Variants in CPAP observed in about 807,000 individuals in gnomAD.
CPAP encodes the protein centrosomal P4.1-associated protein.
the CPAP span, among the ~76,000 whole-genome samples, chr13:24,926,610 A>C: frequency 1.3e-5 from 2 of 152,096 alleles, no homozygotes; most frequent in African/African-American, 4.8e-5. Context: ...CCTCAGCCCC[A>C]CTGTTACTAG....
chr13:24,908,201 T>C, the CPAP span: 1 of 1,027,102 alleles, frequency 9.7e-7, no homozygotes, highest in East Asian at 2.4e-5. Flanking sequence ...TTCTACAAGT[T>C]ACTATGCTAA....
chr13:24,890,260 G>A, the CPAP span, among the ~76,000 whole-genome samples: 1 of 152,310 alleles, frequency 6.6e-6, no homozygotes, highest in East Asian at 1.9e-4. Flanking sequence ...GGATATCCAG[G>A]TGTTAATTGT....
At chr13:24,899,802 C>T in the CPAP span, among the ~76,000 whole-genome samples, 1 of 152,070 alleles carries the variant, frequency 6.6e-6, no homozygotes, top group Admixed American at 6.5e-5. Context: ...GGGGAAACCA[C>T]AGTGAAAAAA....
chr13:24,885,974 A>C, the CPAP span: 1 of 424,654 alleles, frequency 2.4e-6, no homozygotes, highest in Non-Finnish European at 4.4e-6. Flanking sequence ...GTGCAGATAA[A>C]AGAGGCATCT....
the CPAP span, chr13:24,906,492 C>T: frequency 6.2e-7 from 1 of 1,614,226 alleles, no homozygotes. Context: ...TTATTCCACC[C>T]TGTGCAGCCA....
At chr13:24,907,839 A>C in the CPAP span, among the ~76,000 whole-genome samples, 1 of 152,242 alleles carries the variant, frequency 6.6e-6, no homozygotes, top group African/African-American at 2.4e-5. Flanking sequence ...GCAGCTTGAC[A>C]TATCTCCTCA....
At chr13:24,882,591 C>CAA in the CPAP span, 6 of 153,636 alleles carry the variant, frequency 3.9e-5, no homozygotes, top group South Asian at 2.0e-4. Flanking sequence ...CATTACATTA[C>CAA]AAAGTCAGCC....
At chr13:24,887,565 A>G in the CPAP span, among the ~76,000 whole-genome samples, 3 of 152,262 alleles carry the variant, frequency 2.0e-5, no homozygotes, top group Admixed American at 1.3e-4. Flanking sequence ...ACTGTCTCCC[A>G]TCACCCCCAG....
chr13:24,911,567 C>T, the CPAP span, among the ~76,000 whole-genome samples: 2 of 152,096 alleles, frequency 1.3e-5, no homozygotes, highest in African/African-American at 2.4e-5. Flanking sequence ...CAGGGTCTCA[C>T]TCTGTTGCCC....
the CPAP span, chr13:24,885,749 T>C: frequency 8.9e-6 from 9 of 1,005,868 alleles, no homozygotes; most frequent in Non-Finnish European, 1.3e-5. Flanking sequence ...ATTTCCTTAG[T>C]TCATATCCTG....
the CPAP span, chr13:24,905,440 C>G: frequency 6.2e-7 from 1 of 1,614,190 alleles, no homozygotes; most frequent in Admixed American, 1.7e-5. Flanking sequence ...AGAATTTCAT[C>G]ATCAGCTCCG....
chr13:24,905,784 T>C, the CPAP span: 1 of 1,614,146 alleles, frequency 6.2e-7, no homozygotes, highest in South Asian at 1.1e-5. Flanking sequence ...TCAACATCTC[T>C]CCTTTTATCT....
At chr13:24,908,069 T>C in the CPAP span, 2 of 1,613,222 alleles carry the variant, frequency 1.2e-6, no homozygotes, top group Non-Finnish European at 8.5e-7. Flanking sequence ...TTGTAAGTTC[T>C]TATCATTTGC....
chr13:24,911,108 A>C, the CPAP span, among the ~76,000 whole-genome samples: 1 of 152,212 alleles, frequency 6.6e-6, no homozygotes, highest in African/African-American at 2.4e-5. Flanking sequence ...ACAATCTATA[A>C]TAATTTTATT....
the CPAP span, among the ~76,000 whole-genome samples, chr13:24,885,049 T>G: frequency 1.3e-5 from 2 of 152,176 alleles, no homozygotes; most frequent in African/African-American, 4.8e-5. Context: ...AAGGAAGACC[T>G]AGAATGAACA....
the CPAP span, chr13:24,884,512 G>A: frequency 0.82 from 1,307,932 of 1,600,280 alleles, 536,937 homozygotes; most frequent in East Asian, 0.86. Flanking sequence ...CCTGACGAAA[G>A]TATGGCTAAT....
the CPAP span, chr13:24,884,281 G>C: frequency 2.5e-6 from 4 of 1,614,076 alleles, no homozygotes; most frequent in Non-Finnish European, 3.4e-6. Flanking sequence ...CTTTTCTCCA[G>C]AGATGGTTAA....
At chr13:24,891,971 C>T in the CPAP span, among the ~76,000 whole-genome samples, 1 of 152,172 alleles carries the variant, frequency 6.6e-6, no homozygotes, top group African/African-American at 2.4e-5. Context: ...CCAGACCGTC[C>T]CACCCAGACG....
the CPAP span, among the ~76,000 whole-genome samples, chr13:24,928,821 G>A: frequency 6.6e-6 from 1 of 152,150 alleles, no homozygotes; most frequent in East Asian, 1.9e-4. Flanking sequence ...CTGGTGTATT[G>A]GACTTACAAC....
Sources: allele counts gnomAD v4.1 joint callset (sites outside exome capture counted in the v4.1 genomes callset), GRCh38; gene constraint gnomAD v4.1.1; transcripts MANE v1.5; gene names NCBI Gene and HGNC (gene_info 2026-07-23, HGNC 2026-07-21).